SYN3: variants seen among roughly 807,000 people sequenced by gnomAD.
The protein encoded by SYN3 is synapsin III.
In SYN3, 35 loss-of-function variants were observed where a neutral mutation model predicts 65.8. The ratio of observed to expected loss-of-function variants is 0.53; its 90% CI spans 0.41 to 0.70. The LOEUF is 0.70. Among genes scored for constraint, SYN3 ranks in the 30% least tolerant of loss-of-function variants. The pLI is 0.00. For missense variants in SYN3, 680 were observed against 749.0 expected, an observed-to-expected ratio of 0.91 and a Z score of 1.08; for synonymous variants, 270 against 292.9, an observed-to-expected ratio of 0.92 and a Z score of 0.80.
At chr22:32,902,078 C>T (rs2049775589) in intron 4 of SYN3, among the ~76,000 whole-genome samples, 1 of 151,748 alleles carries the variant, frequency 6.6e-6, no homozygotes, top group Non-Finnish European at 1.5e-5. Context: ...AGACCCCCAA[C>T]TCTACACCCA....
intron 1 of SYN3, among the ~76,000 whole-genome samples, chr22:33,036,357 A>AT (rs1271642641): frequency 6.6e-6 from 1 of 152,188 alleles, no homozygotes; most frequent in Non-Finnish European, 1.5e-5. Flanking sequence ...CATAAGGATT[A>AT]TTTTGAGCTG....
chr22:32,664,966 A>G lies in SYN3; in HGVS notation c.712-68230T>C, dbSNP rs374683346. Among the ~76,000 whole-genome samples the G allele has an allele frequency of 8.4e-5, 12 of 143,408 alleles. No homozygotes were observed. In the East Asian group the frequency reaches 2.1e-3, roughly 25 times the overall value. 94.1% of individuals were successfully genotyped at this position (143,408 alleles called of 152,430 possible). A position where few individuals can be genotyped will look rare whatever the true frequency, so the allele number is the denominator to read the frequency against. ...TCCCACCCTTTCCTCCCGAATCCCC[A>G]AAGTCCATTGTATAATGTATAATTC... is the stretch of plus-strand genomic sequence containing the variant. On this transcript the variant is annotated intron_variant, in intron 6 of 13. Coordinates refer to ENST00000358763, the MANE Select transcript of SYN3 (RefSeq NM_003490.4).
intron 6 of SYN3, among the ~76,000 whole-genome samples, chr22:32,832,610 C>T (rs1362185244): frequency 2.7e-5 from 4 of 149,708 alleles, no homozygotes; most frequent in Admixed American, 2.0e-4. Context: ...TAGTAGAGTA[C>T]GTAGAGTTAT....
At chr22:32,994,792 C>A (rs1209978605) in intron 2 of SYN3, among the ~76,000 whole-genome samples, 2 of 152,100 alleles carry the variant, frequency 1.3e-5, no homozygotes, top group Admixed American at 1.3e-4. Flanking sequence ...GAGAGGCAGG[C>A]CAAATGGCTT....
intron 3 of SYN3, among the ~76,000 whole-genome samples, chr22:32,965,832 C>T (rs1458108405): frequency 3.3e-5 from 5 of 152,018 alleles, no homozygotes; most frequent in African/African-American, 1.2e-4. Context: ...GTAGCTGGGA[C>T]TACAGGCGCC....
chr22:32,784,462 C>T (rs937019770), intron 6 of SYN3, among the ~76,000 whole-genome samples: 5 of 152,126 alleles, frequency 3.3e-5, no homozygotes, highest in African/African-American at 9.7e-5. Context: ...AACTGAGGAA[C>T]CAAATGTTGC....
rs116844477 is a variant in SYN3 at position 32,636,453 on chromosome 22, A to T, written c.712-39717T>A. Reference sequence around the variant, plus strand: ...AGAAAATCAAAACCATTTTGCTGGAACTGCTGTTCCCACCTTCACCAGTCA... The same window carrying T: ...AGAAAATCAAAACCATTTTGCTGGATCTGCTGTTCCCACCTTCACCAGTCA... On this transcript the variant is annotated intron_variant, in intron 6 of 13. Transcript: ENST00000358763. Among the ~76,000 whole-genome samples, 92 of 152,148 alleles carry T rather than the reference A, an allele frequency of 6.0e-4. 2 individuals carry two copies. The East Asian group carries it at 0.013, about 22-fold the overall frequency.
chr22:32,657,083 G>C (rs902266107), intron 6 of SYN3, among the ~76,000 whole-genome samples: 1 of 152,090 alleles, frequency 6.6e-6, no homozygotes, highest in African/African-American at 2.4e-5. Flanking sequence ...CTCAGCCTGA[G>C]AGACTCTGCA....
chr22:33,046,957 C>T (rs141641128), intron 1 of SYN3, among the ~76,000 whole-genome samples: 1 of 152,042 alleles, frequency 6.6e-6, no homozygotes, highest in South Asian at 2.1e-4. Context: ...TCCCTTCCCC[C>T]ACCTCTTACC....
At chr22:32,989,707 C>A (rs989714617) in intron 2 of SYN3, among the ~76,000 whole-genome samples, 6 of 148,472 alleles carry the variant, frequency 4.0e-5, no homozygotes, top group African/African-American at 1.5e-4. Context: ...TGGTGGCATG[C>A]GCCTGTAATC....
At chr22:32,854,935 G>A (rs545657240) in intron 6 of SYN3, among the ~76,000 whole-genome samples, 1 of 152,128 alleles carries the variant, frequency 6.6e-6, no homozygotes, top group Non-Finnish European at 1.5e-5. Context: ...ACCTACCCCC[G>A]CCAACCAGTC....
At chr22:32,699,013 C>T (rs139762658) in intron 6 of SYN3, among the ~76,000 whole-genome samples, 246 of 152,278 alleles carry the variant, frequency 1.6e-3, no homozygotes, top group Non-Finnish European at 2.8e-3. Context: ...AGAGATTGAC[C>T]GGAGACAAAC....
In SYN3 at chr22:32,541,577, G is replaced by A; in HGVS notation, c.911C>T (p.Ala304Val). Residue 304 changes from alanine (A) to valine (V), a missense_variant, in exon 8 of 14, where the codon GCT becomes GTT. By Grantham distance (64) the Ala-to-Val change is moderately conservative. Transcript: ENST00000358763. ...RIQKIGSNYK[A>V]YMRTSISGNW... Reference sequence around the variant, plus strand: ...CCCTGCCCCAGAGACTCACATGTAAGCCTTGTAGTTGGATCCAATTTTCTG... The same window carrying A: ...CCCTGCCCCAGAGACTCACATGTAAACCTTGTAGTTGGATCCAATTTTCTG... The A allele has an allele frequency of 6.2e-7, 1 of 1,614,102 alleles. No homozygotes were observed. Among genetic ancestry groups the A allele is most frequent in the East Asian group, 2.2e-5 (1 of 44,870 alleles).
chr22:32,668,843 C>T (rs2060325387), intron 6 of SYN3, among the ~76,000 whole-genome samples: 1 of 152,194 alleles, frequency 6.6e-6, no homozygotes, highest in African/African-American at 2.4e-5. Context: ...CAGATTGCTG[C>T]TGCTGAAACT....
At chr22:32,906,363 C>T (rs1296765229) in intron 4 of SYN3, among the ~76,000 whole-genome samples, 2 of 152,068 alleles carry the variant, frequency 1.3e-5, no homozygotes, top group East Asian at 3.9e-4. Flanking sequence ...TAATGCTCAC[C>T]AGGATTTAAA....
At chr22:32,909,043 C>T (rs117512684) in intron 4 of SYN3, among the ~76,000 whole-genome samples, 32 of 152,300 alleles carry the variant, frequency 2.1e-4, no homozygotes, top group Non-Finnish European at 4.6e-4. Context: ...GAGGTTCGCT[C>T]ATTCATTCAT....
chr22:33,035,198 G>GTAA (rs1311700266), intron 1 of SYN3, among the ~76,000 whole-genome samples: 1 of 151,776 alleles, frequency 6.6e-6, no homozygotes, highest in Non-Finnish European at 1.5e-5. Flanking sequence ...GACGATGATA[G>GTAA]TAATAATAAT....
At chr22:32,555,612 G>A (rs189506843) in intron 7 of SYN3, among the ~76,000 whole-genome samples, 2 of 152,282 alleles carry the variant, frequency 1.3e-5, no homozygotes, top group Admixed American at 6.5e-5. Context: ...AAAGTCAGGA[G>A]GATGCATACC....
intron 12 of SYN3, chr22:32,519,306 TTC>T (rs1401058551): frequency 1.4e-5 from 2 of 142,974 alleles, no homozygotes; most frequent in Non-Finnish European, 3.1e-5. Context: ...AGGATTTTAA[TTC>T]TCTTTTTTTT....
Sources: gnomAD v4.1 joint callset for allele counts (sites outside exome capture counted in the v4.1 genomes callset) on GRCh38, gnomAD v4.1.1 for gene constraint, MANE v1.5 for transcripts, NCBI Gene and HGNC (gene_info 2026-07-23, HGNC 2026-07-21) for gene names.